The following DAB1 variants were observed in gnomAD, a reference collection of about 807,000 sequenced individuals.
DAB1 encodes the protein disabled homolog 1.
A neutral mutation model predicts 64.6 loss-of-function variants in DAB1; 15 were observed. That is an observed-to-expected ratio of 0.23 (90% CI 0.16 to 0.36). The LOEUF (loss-of-function observed/expected upper bound fraction) is 0.36, where lower values mean the gene tolerates loss of function less well. Among genes scored for constraint, DAB1 ranks in the 10% least tolerant of loss-of-function variants. DAB1 has a pLI of 1.00. For synonymous variants in DAB1, 235 were observed against 251.9 expected (o/e 0.93, Z 0.64); for missense variants, 596 against 706.7 (o/e 0.84, Z 1.78).
At chr1:58,458,772 G>A (rs1457787518) in intron 3 of DAB1, among the ~76,000 whole-genome samples, 1 of 151,860 alleles carries the variant, frequency 6.6e-6, no homozygotes, top group Non-Finnish European at 1.5e-5. Flanking sequence ...CTGAGATTGT[G>A]CCACTGTACT....
chr1:57,113,874 C>T (rs1376743514), intron 4 of DAB1, among the ~76,000 whole-genome samples: 8 of 152,118 alleles, frequency 5.3e-5, no homozygotes, highest in African/African-American at 1.9e-4. Flanking sequence ...TGATCTTTCT[C>T]GTAAATACTC....
At chr1:57,749,099 T>A (rs1648429023) in intron 6 of DAB1, among the ~76,000 whole-genome samples, 1 of 152,176 alleles carries the variant, frequency 6.6e-6, no homozygotes, top group Non-Finnish European at 1.5e-5. Context: ...TTCTCTGGAA[T>A]CAGATGTGTA....
At chr1:57,983,309 T>C (rs972468386) in intron 5 of DAB1, among the ~76,000 whole-genome samples, 1 of 152,164 alleles carries the variant, frequency 6.6e-6, no homozygotes, top group African/African-American at 2.4e-5. Flanking sequence ...AAGCTTGTGG[T>C]AGAATAAGAA....
intron 5 of DAB1, among the ~76,000 whole-genome samples, chr1:57,977,115 G>C (rs1292646671): frequency 6.6e-6 from 1 of 152,108 alleles, no homozygotes. Context: ...CTTTTGTACA[G>C]GTTACAATGC....
intron 7 of DAB1, among the ~76,000 whole-genome samples, chr1:57,579,316 T>C (rs1422452726): frequency 1.3e-5 from 2 of 152,202 alleles, no homozygotes; most frequent in Non-Finnish European, 2.9e-5. Flanking sequence ...CATTGGGCTT[T>C]GAAGAGAAAC....
chr1:58,114,362 C>A (rs1452212775), intron 5 of DAB1, among the ~76,000 whole-genome samples: 2 of 152,212 alleles, frequency 1.3e-5, no homozygotes, highest in Non-Finnish European at 2.9e-5. Context: ...CCATTCTCAT[C>A]CATATGCAGG....
At chr1:58,047,039 A>G (rs1647286044) in intron 5 of DAB1, among the ~76,000 whole-genome samples, 3 of 152,222 alleles carry the variant, frequency 2.0e-5, no homozygotes, top group Admixed American at 1.3e-4. Flanking sequence ...AGATCCCTCC[A>G]AATTCTTACC....
intron 6 of DAB1, among the ~76,000 whole-genome samples, chr1:57,786,774 C>A (rs773597140): frequency 9.2e-5 from 14 of 152,106 alleles, no homozygotes; most frequent in Non-Finnish European, 1.8e-4. Context: ...GTGTTACTTT[C>A]TCAAAATGGT....
intron 1 of DAB1, among the ~76,000 whole-genome samples, chr1:58,540,715 TA>T (rs146864305): frequency 6.8e-6 from 1 of 147,876 alleles, no homozygotes; most frequent in African/African-American, 2.5e-5. Context: ...AATACAATAA[TA>T]AAAAAAGGCA....
intron 3 of DAB1, among the ~76,000 whole-genome samples, chr1:58,443,620 C>A (rs1006691748): frequency 2.6e-5 from 4 of 152,136 alleles, no homozygotes; most frequent in Admixed American, 2.6e-4. Context: ...ATTAACCTTG[C>A]GGAAAGTCAG....
At chr1:58,380,961 A>G (rs1315722076) in intron 3 of DAB1, among the ~76,000 whole-genome samples, 1 of 152,268 alleles carries the variant, frequency 6.6e-6, no homozygotes, top group Non-Finnish European at 1.5e-5. Flanking sequence ...CTATGCACCC[A>G]TAAAAACGAA....
intron 3 of DAB1, among the ~76,000 whole-genome samples, chr1:58,412,519 G>A (rs114674863): frequency 0.032 from 4,834 of 152,200 alleles, 92 homozygotes; most frequent in African/African-American, 0.057. Flanking sequence ...AAAGGCCTCC[G>A]CCCGCCCACC....
At chr1:57,839,755 C>T (rs948319157) in intron 1 of DAB1, among the ~76,000 whole-genome samples, 7 of 152,200 alleles carry the variant, frequency 4.6e-5, no homozygotes, top group Admixed American at 1.3e-4. Flanking sequence ...ACTTTGTGTG[C>T]TACTCTGCTC....
chr1:57,128,160 T>A (rs2104349), intron 4 of DAB1, among the ~76,000 whole-genome samples: 11,815 of 98,620 alleles, frequency 0.12, 1,551 homozygotes, highest in African/African-American at 0.47. Flanking sequence ...TAAAAATAAA[T>A]AAATAAATAA....
chr1:57,777,141 C>CTTTTTTTT (rs71051255), intron 6 of DAB1, among the ~76,000 whole-genome samples: 12 of 90,400 alleles, frequency 1.3e-4, no homozygotes, highest in African/African-American at 1.8e-4. Flanking sequence ...TTCTGAATTT[C>CTTTTTTTT]TTTTTTTTTT....
intron 2 of DAB1, among the ~76,000 whole-genome samples, chr1:57,202,041 A>C (rs1665147249): frequency 1.3e-5 from 2 of 152,212 alleles, no homozygotes. Flanking sequence ...TCAATCTCTG[A>C]TGTGCAGCAT....
chr1:58,174,924 A>G (rs1033409036), intron 4 of DAB1, among the ~76,000 whole-genome samples: 2 of 152,200 alleles, frequency 1.3e-5, no homozygotes, highest in East Asian at 1.9e-4. Flanking sequence ...AAATGCACCA[A>G]TCAGCACTCT....
intron 7 of DAB1, among the ~76,000 whole-genome samples, chr1:57,439,063 A>G (rs1210603317): frequency 2.6e-5 from 4 of 152,208 alleles, no homozygotes; most frequent in Admixed American, 6.5e-5. Context: ...AAGGGTGGGT[A>G]GAGAACTTAC....
intron 5 of DAB1, among the ~76,000 whole-genome samples, chr1:58,118,685 T>C (rs1043785490): frequency 4.1e-5 from 6 of 147,970 alleles, no homozygotes; most frequent in Non-Finnish European, 7.4e-5. Context: ...TATACATATA[T>C]ATATCCTCAT....
Sources: gnomAD v4.1 joint callset for allele counts (sites outside exome capture counted in the v4.1 genomes callset) on GRCh38, gnomAD v4.1.1 for gene constraint, MANE v1.5 for transcripts, NCBI Gene and HGNC (gene_info 2026-07-23, HGNC 2026-07-21) for gene names.